PHACTR1: variants seen among roughly 807,000 people sequenced by gnomAD.
PHACTR1 encodes the protein RPEL repeat containing 1.
In PHACTR1, 16 loss-of-function variants were observed where a neutral mutation model predicts 69.2. That is an observed-to-expected ratio of 0.23 (90% CI 0.16 to 0.35). The LOEUF (loss-of-function observed/expected upper bound fraction) is 0.35, where lower values mean the gene tolerates loss of function less well. PHACTR1 is among the 10% of genes least tolerant of loss of function. The pLI is 1.00. For synonymous variants in PHACTR1, 312 were observed against 284.5 expected, an observed-to-expected ratio of 1.10 and a Z score of -0.97; for missense variants, 510 against 734.7, an observed-to-expected ratio of 0.69 and a Z score of 3.54.
chr6:13,067,423 T>C (rs982351961), intron 5 of PHACTR1, among the ~76,000 whole-genome samples: 1 of 152,208 alleles, frequency 6.6e-6, no homozygotes, highest in South Asian at 2.1e-4. Context: ...ACAGTGATAT[T>C]ACAAGATGCT....
chr6:13,148,929 C>G (rs535329446), intron 5 of PHACTR1, among the ~76,000 whole-genome samples: 3 of 152,304 alleles, frequency 2.0e-5, no homozygotes, highest in Admixed American at 2.0e-4. Flanking sequence ...GAAGTTTCTA[C>G]CAAGACCACA....
chr6:13,127,280 G>A (rs1053412132), intron 5 of PHACTR1, among the ~76,000 whole-genome samples: 56 of 152,146 alleles, frequency 3.7e-4, no homozygotes, highest in African/African-American at 2.4e-5. Flanking sequence ...GAAACAGAAG[G>A]AAGAAGCCAG....
At chr6:13,206,889 C>A (rs561155653) in intron 8 of PHACTR1, among the ~76,000 whole-genome samples, 1 of 151,880 alleles carries the variant, frequency 6.6e-6, no homozygotes, top group African/African-American at 2.4e-5. Context: ...GTGGGGAGAA[C>A]GTGCAGACTC....
chr6:13,092,714 C>T (rs530569642), intron 5 of PHACTR1, among the ~76,000 whole-genome samples: 1 of 152,180 alleles, frequency 6.6e-6, no homozygotes, highest in South Asian at 2.1e-4. Context: ...GAAATGGGAA[C>T]GTGGAAAAGA....
intron 4 of PHACTR1, among the ~76,000 whole-genome samples, chr6:12,925,528 T>C (rs1487679543): frequency 6.6e-6 from 1 of 152,242 alleles, no homozygotes; most frequent in Non-Finnish European, 1.5e-5. Context: ...TATTAGATGA[T>C]GTGCATAAAA....
intron 10 of PHACTR1, among the ~76,000 whole-genome samples, chr6:13,261,106 G>C (rs1237700009): frequency 1.3e-5 from 2 of 152,196 alleles, no homozygotes; most frequent in Non-Finnish European, 2.9e-5. Flanking sequence ...CCCATGCTGA[G>C]AACCAGCACA....
At chr6:12,914,213 T>G (rs1786719020) in intron 4 of PHACTR1, among the ~76,000 whole-genome samples, 1 of 152,102 alleles carries the variant, frequency 6.6e-6, no homozygotes, top group Non-Finnish European at 1.5e-5. Flanking sequence ...TTGGCCAGGA[T>G]GGTCTCAATC....
intron 5 of PHACTR1, among the ~76,000 whole-genome samples, chr6:13,120,900 T>G (rs1240005812): frequency 6.6e-6 from 1 of 152,184 alleles, no homozygotes. Flanking sequence ...TTTGTATCAT[T>G]AAACTCAGTG....
At chr6:13,129,629 T>G (rs1410459678) in intron 5 of PHACTR1, among the ~76,000 whole-genome samples, 1 of 152,042 alleles carries the variant, frequency 6.6e-6, no homozygotes, top group African/African-American at 2.4e-5. Context: ...TATATGCACC[T>G]AACACTGGAG....
intron 4 of PHACTR1, among the ~76,000 whole-genome samples, chr6:12,811,587 G>T (rs1775013926): frequency 6.6e-6 from 1 of 152,130 alleles, no homozygotes; most frequent in African/African-American, 2.4e-5. Context: ...GAAAGATATG[G>T]TTTGATTTAT....
At chr6:13,072,635 C>T (rs1396687640) in intron 5 of PHACTR1, among the ~76,000 whole-genome samples, 1 of 152,162 alleles carries the variant, frequency 6.6e-6, no homozygotes, top group Non-Finnish European at 1.5e-5. Context: ...CTAAAACATT[C>T]CCTTGGTTGT....
At chr6:13,176,838 A>G (rs1761384782) in intron 6 of PHACTR1, among the ~76,000 whole-genome samples, 1 of 152,130 alleles carries the variant, frequency 6.6e-6, no homozygotes, top group South Asian at 2.1e-4. Context: ...TTAAATAAGG[A>G]TTTCTTAGCT....
chr6:12,863,937 G>A (rs115840733), intron 4 of PHACTR1, among the ~76,000 whole-genome samples: 73 of 152,290 alleles, frequency 4.8e-4, no homozygotes, highest in African/African-American at 1.6e-3. Context: ...TACAGCAGAC[G>A]TAGGAAAGGT....
intron 5 of PHACTR1, among the ~76,000 whole-genome samples, chr6:13,138,262 G>A (rs1821864280): frequency 6.6e-6 from 1 of 152,190 alleles, no homozygotes; most frequent in South Asian, 2.1e-4. Context: ...ATGATTACAT[G>A]TCAAAGAGAT....
At chr6:13,214,862 T>A (rs1431665005) in intron 8 of PHACTR1, among the ~76,000 whole-genome samples, 1 of 152,218 alleles carries the variant, frequency 6.6e-6, no homozygotes, top group Non-Finnish European at 1.5e-5. Flanking sequence ...TAATGATGCC[T>A]TCTTTACACC....
At chr6:13,250,462 T>C (rs1774232713) in intron 10 of PHACTR1, among the ~76,000 whole-genome samples, 1 of 152,208 alleles carries the variant, frequency 6.6e-6, no homozygotes, top group Non-Finnish European at 1.5e-5. Flanking sequence ...CTTGATTTAT[T>C]ACCTGAGCAG....
At chr6:12,995,796 T>A (rs1455367959) in intron 4 of PHACTR1, among the ~76,000 whole-genome samples, 1 of 150,572 alleles carries the variant, frequency 6.6e-6, no homozygotes, top group African/African-American at 2.5e-5. Context: ...ATAAATGAAT[T>A]TTTTTAAGAC....
At chr6:13,066,825 T>C (rs1396018477) in intron 5 of PHACTR1, among the ~76,000 whole-genome samples, 1 of 152,160 alleles carries the variant, frequency 6.6e-6, no homozygotes, top group Non-Finnish European at 1.5e-5. Flanking sequence ...AGCAGGGAGC[T>C]GAGGGCCCCT....
intron 4 of PHACTR1, among the ~76,000 whole-genome samples, chr6:12,799,878 A>G (rs1773498472): frequency 6.6e-6 from 1 of 152,256 alleles, no homozygotes; most frequent in Admixed American, 6.5e-5. Context: ...ACGCTGGTAT[A>G]ACCCAGAACT....
Sources: allele counts gnomAD v4.1 joint callset (sites outside exome capture counted in the v4.1 genomes callset), GRCh38; gene constraint gnomAD v4.1.1; transcripts MANE v1.5; gene names NCBI Gene and HGNC (gene_info 2026-07-23, HGNC 2026-07-21).